TJP1: variants seen among roughly 807,000 people sequenced by gnomAD.
TJP1 encodes tight junction protein 1, also known as tight junction protein ZO-1.
Under a neutral mutation model 194.2 loss-of-function variants are expected in TJP1, and 43 were observed. The ratio of observed to expected loss-of-function variants is 0.22; its 90% CI spans 0.17 to 0.29. TJP1 has a LOEUF of 0.29. Among genes scored for constraint, TJP1 ranks in the 10% least tolerant of loss-of-function variants. The pLI, the probability that TJP1 is intolerant of heterozygous loss-of-function variation, is 1.00. For missense variants in TJP1, 1,971 were observed against 2,185.7 expected, an observed-to-expected ratio of 0.90 and a Z score of 1.96; for synonymous variants, 801 against 779.0, an observed-to-expected ratio of 1.03 and a Z score of -0.47.
In TJP1 at chr15:29,821,994, G is replaced by A. The variant is rs763522062; in HGVS notation, c.27+8C>T. ...CGGTCTGGCCCTGGCGGCCGCGGAG[G>A]CGCTCACCTTGGCGGCCGCAGCTCT... On this transcript the variant is annotated splice_region_variant and intron_variant, in intron 1 of 27. Coordinates refer to ENST00000614355, the MANE Select transcript of TJP1 (RefSeq NM_001330239.4). The A allele has an allele frequency of 7.5e-5, 100 of 1,329,660 alleles. No homozygotes were observed. Among genetic ancestry groups the A allele is most frequent in the Non-Finnish European group, 8.9e-5 (92 of 1,038,114 alleles). The allele number at this position is 1,329,660 out of a possible 1,614,324, so 82.4% of individuals were successfully genotyped here.
In TJP1 at chr15:29,733,268, A is replaced by G; in HGVS notation, c.1562T>C (p.Ile521Thr). 6.2e-7 allele frequency: 1 copy of G among 1,613,916 alleles called. No homozygotes were observed. ...VESDVGDSFY[I>T]RTHFEYEKES... is the part of the protein sequence containing the mutation. ...CTTTTCATATTCAAAATGGGTTCTAATATAGAAAGAATCTCCTACATCTGA... is the reference window on the plus strand; with the variant it reads ...CTTTTCATATTCAAAATGGGTTCTAGTATAGAAAGAATCTCCTACATCTGA... The change falls in exon 13 of 28, where the codon ATT becomes ACT. Residue 521 changes from isoleucine (I) to threonine (T), a missense_variant. Transcript: ENST00000614355.
intron 2 of TJP1, among the ~76,000 whole-genome samples, chr15:29,883,621 A>C (rs989495582): frequency 6.6e-6 from 1 of 152,064 alleles, no homozygotes; most frequent in African/African-American, 2.4e-5. Context: ...TTAGTCTATT[A>C]AGGCCATTTA....
At chr15:29,700,146 C>T (rs935144282), downstream of TJP1, 3 of 397,652 alleles carry the variant, frequency 7.5e-6, no homozygotes, top group African/African-American at 4.1e-5. Context: ...CAGACCAAGC[C>T]AGCACTTTAT....
intron 2 of TJP1, among the ~76,000 whole-genome samples, chr15:29,881,554 C>T (rs997871215): frequency 1.3e-5 from 2 of 152,136 alleles, no homozygotes; most frequent in African/African-American, 2.4e-5. Flanking sequence ...TTTATTCTTT[C>T]GCCTGGTTTC....
intron 2 of TJP1, among the ~76,000 whole-genome samples, chr15:29,850,797 T>G (rs971061784): frequency 1.3e-5 from 2 of 151,042 alleles, no homozygotes; most frequent in African/African-American, 2.4e-5. Context: ...GCCCGGGGGG[T>G]AACAGAGCAA....
intron 2 of TJP1, among the ~76,000 whole-genome samples, chr15:29,916,008 G>A (rs1363272005): frequency 6.6e-6 from 1 of 151,932 alleles, no homozygotes; most frequent in Non-Finnish European, 1.5e-5. Flanking sequence ...ACATTACTAG[G>A]CCAAGGCGGG....
At chr15:29,890,159 C>T (rs981011003) in intron 2 of TJP1, among the ~76,000 whole-genome samples, 1 of 152,292 alleles carries the variant, frequency 6.6e-6, no homozygotes, top group Middle Eastern at 3.4e-3. Context: ...TTGAGTCCAC[C>T]TCGCCAAATG....
chr15:29,753,551 T>C (rs923461167), intron 8 of TJP1, among the ~76,000 whole-genome samples: 1 of 148,836 alleles, frequency 6.7e-6, no homozygotes. Context: ...ATAACATATA[T>C]GTGACATTAG....
intron 2 of TJP1, among the ~76,000 whole-genome samples, chr15:29,850,853 A>G (rs989939003): frequency 6.6e-6 from 1 of 151,978 alleles, no homozygotes; most frequent in African/African-American, 2.4e-5. Flanking sequence ...AAAATAAAAT[A>G]TAGGCTGGGC....
At chr15:29,845,819 T>A (rs536362583) in intron 2 of TJP1, among the ~76,000 whole-genome samples, 9 of 152,122 alleles carry the variant, frequency 5.9e-5, no homozygotes, top group South Asian at 4.2e-4. Context: ...TAAATAAAAT[T>A]AAATTAAAAA....
rs779835482 is a variant in TJP1, at chr15:29,732,418, C to G, written c.2017+15G>C. 3.1e-6 allele frequency: 5 copies of G among 1,610,478 alleles called. No homozygotes were observed. The East Asian group carries it at 1.1e-4, about 36-fold the overall frequency. ...AACTCCCAACCTCATTTAAGTTAGC[C>G]TTGAGGCTACTTACTTGCAATTTGA... is the stretch of plus-strand genomic sequence containing the variant. On this transcript the variant is annotated intron_variant, in intron 15 of 27. Transcript: ENST00000614355.
At chr15:29,712,466 CTAAG>C (rs1354632558) in intron 23 of TJP1, among the ~76,000 whole-genome samples, 1 of 152,120 alleles carries the variant, frequency 6.6e-6, no homozygotes, top group Non-Finnish European at 1.5e-5. Flanking sequence ...GTCAATCTAA[CTAAG>C]TAAATTTGCA....
At chr15:29,702,937 C>T (rs974320917) in intron 27 of TJP1, among the ~76,000 whole-genome samples, 1 of 151,880 alleles carries the variant, frequency 6.6e-6, no homozygotes, top group Admixed American at 6.6e-5. Context: ...GTGATCTACA[C>T]CCAAAATAAA....
intron 27 of TJP1, 55 bp downstream of exon 27, chr15:29,704,106 GT>G: frequency 6.6e-7 from 1 of 1,524,830 alleles, no homozygotes; most frequent in African/African-American, 1.4e-5. Context: ...ATCAGCCCAG[GT>G]ATTAATCAAC....
intron 18 of TJP1, among the ~76,000 whole-genome samples, chr15:29,723,667 G>T (rs1466222254): frequency 6.6e-6 from 1 of 152,178 alleles, no homozygotes; most frequent in Non-Finnish European, 1.5e-5. Context: ...ACATTAAGAA[G>T]AAATTATTTA....
At chr15:29,846,070 C>G (rs184576499) in intron 2 of TJP1, among the ~76,000 whole-genome samples, 155 of 152,292 alleles carry the variant, frequency 1.0e-3, no homozygotes, top group Non-Finnish European at 3.4e-4. Context: ...ACCACACACA[C>G]TTAACTCCTA....
intron 1 of TJP1, among the ~76,000 whole-genome samples, chr15:29,808,886 C>T (rs373628941): frequency 6.6e-6 from 1 of 152,048 alleles, no homozygotes; most frequent in African/African-American, 2.4e-5. Flanking sequence ...ACCCTGGGAC[C>T]GAATGCCACT....
Position 29,726,969 on chromosome 15 carries a change from A to G in TJP1, c.2123T>C (p.Val708Ala). The G allele has an allele frequency of 6.2e-7, 1 of 1,614,070 alleles. No individual in the cohort carries two copies. Among genetic ancestry groups the G allele is most frequent in the South Asian group, 1.1e-5 (1 of 91,060 alleles). ...AAGACGATCAACTGCATTTGGTGTTACATCTAATAAAGCATGTTTGTCCTA... is the reference window on the plus strand; with the variant it reads ...AAGACGATCAACTGCATTTGGTGTTGCATCTAATAAAGCATGTTTGTCCTA... Reference protein sequence around the residue: ...IDQDKHALLDVTPNAVDRLNY... With the variant: ...IDQDKHALLDATPNAVDRLNY... Residue 708 changes from valine to alanine, a missense_variant, in exon 17 of 28, where the codon GTA becomes GCA. By Grantham distance (64) the Val-to-Ala change is moderately conservative. Coordinates refer to ENST00000614355, the MANE Select transcript of TJP1 (RefSeq NM_001330239.4).
intron 2 of TJP1, among the ~76,000 whole-genome samples, chr15:29,929,748 G>A (rs2054644719): frequency 6.6e-6 from 1 of 151,602 alleles, no homozygotes; most frequent in East Asian, 1.9e-4. Flanking sequence ...CAAGAAGTCA[G>A]AAAAAGAACA....
Sources: gnomAD v4.1 joint callset for allele counts (sites outside exome capture counted in the v4.1 genomes callset) on GRCh38, gnomAD v4.1.1 for gene constraint, MANE v1.5 for transcripts, NCBI Gene and HGNC (gene_info 2026-07-23, HGNC 2026-07-21) for gene names.